The following SMAP1 variants were observed in gnomAD, a reference collection of about 807,000 sequenced individuals.
SMAP1 encodes the protein small ArfGAP 1, also known as stromal membrane-associated protein 1.
Under a neutral mutation model 58.5 loss-of-function variants are expected in SMAP1, and 24 were observed. The ratio of observed to expected loss-of-function variants is 0.41; its 90% CI spans 0.30 to 0.58. SMAP1 has a LOEUF of 0.58. SMAP1 is among the 20% of genes least tolerant of loss of function. The probability of loss-of-function intolerance (pLI) is 0.29; values close to 1 mark genes in which losing one functional copy is unlikely to be tolerated. For missense variants in SMAP1, 563 were observed against 566.3 expected, an observed-to-expected ratio of 0.99 and a Z score of 0.06; for synonymous variants, 216 against 196.6, an observed-to-expected ratio of 1.10 and a Z score of -0.82.
chr6:70,809,651 T>G (rs2149968027), intron 6 of SMAP1, among the ~76,000 whole-genome samples: 1 of 152,328 alleles, frequency 6.6e-6, no homozygotes, highest in Non-Finnish European at 1.5e-5. Flanking sequence ...TTTCATATGA[T>G]GCGTGAATGC....
chr6:70,763,250 A>G, intron 3 of SMAP1, among the ~76,000 whole-genome samples: 1 of 151,234 alleles, frequency 6.6e-6, no homozygotes, highest in Non-Finnish European at 1.5e-5. Context: ...AATATTTCAA[A>G]CTTTTTTATT....
rs563413668 is a variant in SMAP1, at chr6:70,791,919, A to G, written c.495+150A>G. On this transcript the variant is annotated intron_variant, in intron 5 of 10. Transcript: ENST00000370455. The stretch of plus-strand genomic sequence containing the variant: ...ACAGCAATTTCTAGAATTTTTTTAT[A>G]CCACAGGTATGATTAAAGAACTTTG... 3.2e-4 allele frequency: 188 copies of G among 583,298 alleles called. 2 individuals carry two copies. In the South Asian group the frequency reaches 5.2e-3, roughly 16 times the overall value. The allele number at this position is 583,298 out of a possible 1,614,324, so 36.1% of individuals were successfully genotyped here.
At chr6:70,723,625 T>C (rs1489022059) in intron 1 of SMAP1, among the ~76,000 whole-genome samples, 1 of 152,216 alleles carries the variant, frequency 6.6e-6, no homozygotes, top group Non-Finnish European at 1.5e-5. Flanking sequence ...TGTTTGCTTA[T>C]TGTATACTGC....
intron 6 of SMAP1, among the ~76,000 whole-genome samples, chr6:70,830,536 T>TA (rs1770315642): frequency 2.0e-5 from 3 of 152,228 alleles, no homozygotes; most frequent in Admixed American, 2.0e-4. Context: ...GTTGGTATGC[T>TA]ACAGAGCAAA....
chr6:70,860,315 G>C lies in SMAP1; in HGVS notation c.1385G>C (p.Ser462Thr), dbSNP rs1324053926. 1.2e-6 allele frequency: 2 copies of C among 1,610,242 alleles called. No homozygotes were observed. Among genetic ancestry groups the C allele is most frequent in the Non-Finnish European group, 1.7e-6 (2 of 1,178,970 alleles). The change falls in exon 11 of 11, where the codon AGC becomes ACC. Residue 462 changes from serine (S) to threonine (T), a missense_variant. Physicochemically the swap from Ser to Thr is moderately conservative, Grantham distance 58. Around this residue, in one of 3 missense-constraint regions of SMAP1, gnomAD observed 494 missense variants for 473.8 expected, o/e 1.04. Coordinates refer to ENST00000370455, the MANE Select transcript of SMAP1 (RefSeq NM_001044305.3). ...WSGSSSGQTL[S>T]TQLWK Reference sequence around the variant, plus strand: ...GGAAGCTCATCAGGTCAGACTCTCAGCACACAACTGTGGAAATGAAAACTG... The same window carrying C: ...GGAAGCTCATCAGGTCAGACTCTCACCACACAACTGTGGAAATGAAAACTG...
intron 6 of SMAP1, among the ~76,000 whole-genome samples, chr6:70,822,739 G>A (rs1038936515): frequency 1.1e-4 from 16 of 151,920 alleles, no homozygotes; most frequent in African/African-American, 1.9e-4. Context: ...TATTTCTTAC[G>A]TTCAGTTCCT....
intron 4 of SMAP1, among the ~76,000 whole-genome samples, chr6:70,775,424 G>T (rs2149917477): frequency 6.6e-6 from 1 of 152,168 alleles, no homozygotes; most frequent in East Asian, 1.9e-4. Context: ...ACTGAGTTGG[G>T]TTTTTTCCCC....
chr6:70,773,733 A>G (rs922823804), intron 4 of SMAP1, among the ~76,000 whole-genome samples: 3 of 152,216 alleles, frequency 2.0e-5, no homozygotes, highest in Admixed American at 1.3e-4. Context: ...CCTAGATTCT[A>G]GAAATGTATG....
At chr6:70,773,014 C>A in intron 3 of SMAP1, 1 of 241,074 alleles carries the variant, frequency 4.1e-6, no homozygotes. Flanking sequence ...ATTTCTTATA[C>A]CAAAAACCCC....
chr6:70,690,506 A>C (rs1318853849), intron 1 of SMAP1, among the ~76,000 whole-genome samples: 1 of 151,840 alleles, frequency 6.6e-6, no homozygotes, highest in Non-Finnish European at 1.5e-5. Flanking sequence ...GGGTTTCTCC[A>C]TGTTGGTCAG....
In SMAP1 at chr6:70,861,980, T is replaced by G. The variant is rs1425857597; in HGVS notation, c.*1646T>G. On this transcript the variant is annotated 3_prime_UTR_variant, in exon 11 of 11. Coordinates refer to ENST00000370455, the MANE Select transcript of SMAP1 (RefSeq NM_001044305.3). Reference sequence around the variant, plus strand: ...TGACTTGAAGACTTACAGCAAATCCTTTGTGAAAAATAAAAAAAAAAAAGA... The same window carrying G: ...TGACTTGAAGACTTACAGCAAATCCGTTGTGAAAAATAAAAAAAAAAAAGA... 6.4e-7 allele frequency: 1 copy of G among 1,574,568 alleles called. No homozygotes were observed. Among genetic ancestry groups the G allele is most frequent in the Admixed American group, 2.0e-5 (1 of 50,002 alleles).
intron 6 of SMAP1, among the ~76,000 whole-genome samples, chr6:70,801,376 G>T (rs960158294): frequency 2.0e-5 from 3 of 151,598 alleles, no homozygotes; most frequent in African/African-American, 4.8e-5. Flanking sequence ...TTTTTTTCTT[G>T]TAAGTTTGTT....
At chr6:70,820,418 CT>C (rs1244510949) in intron 6 of SMAP1, among the ~76,000 whole-genome samples, 1 of 151,990 alleles carries the variant, frequency 6.6e-6, no homozygotes, top group Non-Finnish European at 1.5e-5. Context: ...ATTATGAAAA[CT>C]TTATTATTTA....
intron 2 of SMAP1, among the ~76,000 whole-genome samples, chr6:70,753,061 C>T (rs1326651023): frequency 6.7e-6 from 1 of 150,048 alleles, no homozygotes; most frequent in Non-Finnish European, 1.5e-5. Context: ...TTTTTATTTC[C>T]CCCCCGAGAT....
chr6:70,769,315 T>C (rs1413365088), intron 3 of SMAP1, among the ~76,000 whole-genome samples: 4 of 152,208 alleles, frequency 2.6e-5, no homozygotes, highest in Non-Finnish European at 5.9e-5. Flanking sequence ...TTGTTAACTT[T>C]CTGTCTCGTT....
chr6:70,753,468 C>T (rs1190013692), intron 2 of SMAP1, among the ~76,000 whole-genome samples: 4 of 152,110 alleles, frequency 2.6e-5, no homozygotes, highest in Non-Finnish European at 5.9e-5. Flanking sequence ...ATAACTTGAT[C>T]ATCTTCTGTT....
chr6:70,787,507 C>A lies in SMAP1; in HGVS notation c.415-4182C>A, dbSNP rs1247299541. Among the ~76,000 whole-genome samples the A allele has an allele frequency of 3.9e-5, 6 of 152,144 alleles. No individual in the cohort carries two copies. The East Asian group carries it at 1.2e-3, about 29-fold the overall frequency. On this transcript the variant is annotated intron_variant, in intron 4 of 10. Transcript: ENST00000370455. ...CAAAAGAAACTACCATCAGAGTGAA[C>A]AGGCAACCTACAAAATGGGAGAAAA...
intron 6 of SMAP1, among the ~76,000 whole-genome samples, chr6:70,819,241 T>C (rs556342009): frequency 7.2e-5 from 11 of 151,938 alleles, no homozygotes; most frequent in East Asian, 5.8e-4. Flanking sequence ...TTTGCACTTA[T>C]AGAGCAAAGA....
intron 3 of SMAP1, among the ~76,000 whole-genome samples, chr6:70,762,155 CAT>C (rs1766777967): frequency 6.6e-6 from 1 of 152,116 alleles, no homozygotes; most frequent in South Asian, 2.1e-4. Flanking sequence ...TTTACAGACA[CAT>C]GTACCCCTAA....
Sources: allele counts gnomAD v4.1 joint callset (sites outside exome capture counted in the v4.1 genomes callset), GRCh38; gene constraint gnomAD v4.1.1; regional missense constraint gnomAD v4.1.1; transcripts MANE v1.5; gene names NCBI Gene and HGNC (gene_info 2026-07-23, HGNC 2026-07-21).